SP140L: variants seen among roughly 807,000 people sequenced by gnomAD.
SP140L encodes the protein SP140 like nuclear body protein, also known as nuclear body protein SP140-like protein.
SP140L carries 64 observed loss-of-function variants against 84.3 expected under a neutral mutation model. The observed-to-expected ratio is 0.76, with a 90% confidence interval of 0.62 to 0.94. SP140L has a LOEUF of 0.94. Among genes scored for constraint, SP140L ranks in the 40% least tolerant of loss-of-function variants. The pLI, the probability that SP140L is intolerant of heterozygous loss-of-function variation, is 0.00. For synonymous variants in SP140L, 242 were observed against 236.9 expected (o/e 1.02, Z -0.20); for missense variants, 628 against 692.5 (o/e 0.91, Z 1.05).
chr2:230,392,734 A>G (rs890055630), intron 12 of SP140L, among the ~76,000 whole-genome samples: 1 of 152,172 alleles, frequency 6.6e-6, no homozygotes, highest in Non-Finnish European at 1.5e-5. Context: ...GATAGCAACA[A>G]TCAGTGAAAT....
At chr2:230,364,700 A>T (rs2060816449) in intron 5 of SP140L, among the ~76,000 whole-genome samples, 1 of 152,000 alleles carries the variant, frequency 6.6e-6, no homozygotes, top group Non-Finnish European at 1.5e-5. Context: ...ACGAGAATGG[A>T]CACCCTACTC....
intron 2 of SP140L, among the ~76,000 whole-genome samples, chr2:230,332,676 A>G (rs1186978583): frequency 6.6e-6 from 1 of 152,244 alleles, no homozygotes; most frequent in Non-Finnish European, 1.5e-5. Context: ...TTGCCCTCTT[A>G]CACATTTGCT....
intron 4 of SP140L, 29 bp from the exon 5 acceptor site, chr2:230,361,585 A>G (rs1461383491): frequency 6.5e-7 from 1 of 1,530,388 alleles, no homozygotes; most frequent in Admixed American, 2.0e-5. Context: ...CAGATCTTTA[A>G]TTGCTTTCTT....
At position 230,400,179 on chromosome 2, in the gene SP140L, G is replaced by C. The variant is rs567377530; in HGVS notation, c.1250G>C (p.Cys417Ser). The change falls in exon 15 of 19, where the codon TGT (cysteine) becomes TCT (serine). Residue 417 changes from cysteine to serine, a missense_variant. Around this residue, in one of 4 missense-constraint regions of SP140L, gnomAD observed 525 missense variants for 518.4 expected, o/e 1.01. Transcript: ENST00000415673. ...TGCCGGGACGGAGGGGAGCTGTTCT[G>C]TTGCGACACTTGTTCAAGAGTCTTC... ...EVCRDGGELF[C>S]CDTCSRVFHE... 23 of 1,614,086 alleles carry C rather than the reference G, an allele frequency of 1.4e-5. No homozygotes were observed. Among genetic ancestry groups the C allele is most frequent in the Non-Finnish European group, 1.9e-5 (22 of 1,180,038 alleles).
chr2:230,339,171 A>G (rs1318337152), intron 2 of SP140L, among the ~76,000 whole-genome samples: 1 of 151,332 alleles, frequency 6.6e-6, no homozygotes, highest in Non-Finnish European at 1.5e-5. Flanking sequence ...CCACAATTTC[A>G]GCTCCTGTTA....
At chr2:230,345,741 C>T (rs1019363337) in intron 2 of SP140L, among the ~76,000 whole-genome samples, 1 of 152,028 alleles carries the variant, frequency 6.6e-6, no homozygotes, top group African/African-American at 2.4e-5. Context: ...ACAACTTCAA[C>T]CACATATAAA....
intron 9 of SP140L, among the ~76,000 whole-genome samples, chr2:230,386,852 C>T (rs1030177151): frequency 2.0e-5 from 3 of 152,198 alleles, no homozygotes; most frequent in Admixed American, 1.3e-4. Context: ...ATTAGCTGGA[C>T]TGTTCAAGGT....
At chr2:230,395,495 A>ACTCAAGCCT (rs1469180668) in intron 13 of SP140L, among the ~76,000 whole-genome samples, 1 of 152,034 alleles carries the variant, frequency 6.6e-6, no homozygotes, top group Admixed American at 6.5e-5. Flanking sequence ...TGGGAGGATC[A>ACTCAAGCCT]CTCAAGCCTG....
intron 2 of SP140L, among the ~76,000 whole-genome samples, chr2:230,354,462 C>T (rs1353264024): frequency 6.6e-6 from 1 of 152,058 alleles, no homozygotes; most frequent in Non-Finnish European, 1.5e-5. Flanking sequence ...ATAAAATTCT[C>T]AGCAAGTTAG....
At chr2:230,397,651 A>G (rs906798751) in intron 14 of SP140L, among the ~76,000 whole-genome samples, 2 of 152,156 alleles carry the variant, frequency 1.3e-5, no homozygotes, top group African/African-American at 4.8e-5. Flanking sequence ...GCACAACTCC[A>G]GGGGGCAGGA....
Position 230,383,552 on chromosome 2 carries a change from CGCAGAAAAA to C in SP140L, c.681_689del (p.Gln228_Asn230del). ...GGCTGGAGCAGAATGGGAACGAGAACGCAGAAAAACAACCAACAAAATGGTAAGCAGGCA... is the reference window on the plus strand; with the variant it reads ...GGCTGGAGCAGAATGGGAACGAGAACCAACCAACAAAATGGTAAGCAGGCA... On this transcript the variant is annotated inframe_deletion, in exon 8 of 19. Coordinates refer to ENST00000415673, the MANE Select transcript of SP140L (RefSeq NM_138402.6). 1 of 1,605,078 alleles carries C rather than the reference CGCAGAAAAA, an allele frequency of 6.2e-7. No individual in the cohort carries two copies. Among genetic ancestry groups the C allele is most frequent in the Non-Finnish European group, 8.5e-7 (1 of 1,175,828 alleles).
At chr2:230,367,389 C>T (rs1001714859) in intron 5 of SP140L, among the ~76,000 whole-genome samples, 8 of 146,340 alleles carry the variant, frequency 5.5e-5, no homozygotes, top group African/African-American at 2.6e-5. Context: ...ATCTCCTAGG[C>T]TCAGGCTACC....
intron 2 of SP140L, among the ~76,000 whole-genome samples, chr2:230,331,974 A>G (rs1380297544): frequency 6.6e-6 from 1 of 150,990 alleles, no homozygotes; most frequent in African/African-American, 2.4e-5. Flanking sequence ...CCCTTTGTGC[A>G]TTAGGCAGGA....
chr2:230,330,453 C>T (rs893199498), intron 2 of SP140L, among the ~76,000 whole-genome samples: 4 of 152,180 alleles, frequency 2.6e-5, no homozygotes, highest in Non-Finnish European at 5.9e-5. Context: ...ATCTCTTCCT[C>T]TTCCTCCAAA....
chr2:230,359,838 T>G (rs879818349), intron 4 of SP140L, among the ~76,000 whole-genome samples: 4 of 151,336 alleles, frequency 2.6e-5, no homozygotes, highest in Admixed American at 2.6e-4. Flanking sequence ...ATAAATAGTT[T>G]TGTTAACCCT....
At chr2:230,344,405 T>C (rs2060151111) in intron 2 of SP140L, among the ~76,000 whole-genome samples, 1 of 152,232 alleles carries the variant, frequency 6.6e-6, no homozygotes, top group Admixed American at 6.5e-5. Flanking sequence ...TGAGCCTATG[T>C]GTATCTTTGC....
At chr2:230,361,279 C>T (rs528677298) in intron 4 of SP140L, among the ~76,000 whole-genome samples, 1 of 152,312 alleles carries the variant, frequency 6.6e-6, no homozygotes, top group South Asian at 2.1e-4. Flanking sequence ...TGGAATCTCT[C>T]TAGGACTTGA....
At chr2:230,388,459 C>G (rs558904661) in intron 9 of SP140L, 100 bp from the exon 10 acceptor site, 266 of 946,514 alleles carry the variant, frequency 2.8e-4, no homozygotes, top group Non-Finnish European at 3.9e-4. Flanking sequence ...ATTAAACAGG[C>G]TTTTGGAAAG....
chr2:230,346,487 C>T (rs62192167), intron 2 of SP140L, among the ~76,000 whole-genome samples: 4,804 of 152,164 alleles, frequency 0.032, 121 homozygotes, highest in Non-Finnish European at 0.046. Flanking sequence ...ATTTTTCTTT[C>T]TCTCTTCTTC....
Sources: allele counts gnomAD v4.1 joint callset (sites outside exome capture counted in the v4.1 genomes callset), GRCh38; gene constraint gnomAD v4.1.1; regional missense constraint gnomAD v4.1.1; transcripts MANE v1.5; gene names NCBI Gene and HGNC (gene_info 2026-07-23, HGNC 2026-07-21).